UBP1: variants seen among roughly 807,000 people sequenced by gnomAD.
UBP1 encodes the protein upstream binding protein 1, also known as upstream-binding protein 1.
A neutral mutation model predicts 76.1 loss-of-function variants in UBP1; 22 were observed. The ratio of observed to expected loss-of-function variants is 0.29; its 90% CI spans 0.21 to 0.41. The LOEUF is 0.41. UBP1 is among the 10% of genes least tolerant of loss of function. The pLI is 1.00. For missense variants in UBP1, 436 were observed against 668.1 expected (o/e 0.65, Z 3.83); for synonymous variants, 224 against 237.1 (o/e 0.94, Z 0.51).
chr3:33,426,268 C>T (rs2045016462), intron 1 of UBP1, among the ~76,000 whole-genome samples: 1 of 151,758 alleles, frequency 6.6e-6, no homozygotes, highest in African/African-American at 2.4e-5. Context: ...AAGCTTCATG[C>T]CTAATCTAAA....
Position 33,402,905 on chromosome 3 carries a change from C to A in UBP1, c.928-1G>T. The A allele has an allele frequency of 6.2e-7, 1 of 1,604,740 alleles. No individual in the cohort carries two copies. Among genetic ancestry groups the A allele is most frequent in the Non-Finnish European group, 8.5e-7 (1 of 1,175,442 alleles). ...TGGGGGCATCGGGCCACGGAGAACA[C>A]TAAGGACAGAAACAGAAATAAATTA... On this transcript the variant is annotated splice_acceptor_variant, in intron 8 of 15. Transcript: ENST00000283629. LOFTEE classifies it high-confidence loss of function.
intron 9 of UBP1, among the ~76,000 whole-genome samples, chr3:33,401,636 A>G (rs1475815923): frequency 6.6e-6 from 1 of 152,146 alleles, no homozygotes; most frequent in East Asian, 1.9e-4. Flanking sequence ...CCGTGCCTCA[A>G]TTGCTTAGGT....
At chr3:33,439,040 A>T (rs929499940) in intron 1 of UBP1, among the ~76,000 whole-genome samples, 1 of 152,248 alleles carries the variant, frequency 6.6e-6, no homozygotes, top group African/African-American at 2.4e-5. Flanking sequence ...GCGGAGACTA[A>T]GCTCAGATCT....
intron 13 of UBP1, among the ~76,000 whole-genome samples, chr3:33,395,286 A>G (rs2043930041): frequency 6.6e-6 from 1 of 152,028 alleles, no homozygotes. Flanking sequence ...AGCTCTACCT[A>G]TTCTTAGGGC....
chr3:33,413,427 G>A (rs2044643509), intron 3 of UBP1, among the ~76,000 whole-genome samples: 1 of 151,284 alleles, frequency 6.6e-6, no homozygotes, highest in Non-Finnish European at 1.5e-5. Context: ...GGCGCCTGTA[G>A]TACCAGCTAC....
intron 14 of UBP1, 123 bp downstream of exon 14, chr3:33,393,189 C>T (rs1392682854): frequency 9.4e-7 from 1 of 1,061,464 alleles, no homozygotes; most frequent in African/African-American, 1.7e-5. Flanking sequence ...TGATTCCCAA[C>T]TCTCTGAAAA....
chr3:33,412,914 A>C, intron 3 of UBP1, 87 bp from the exon 4 acceptor site: 1 of 866,588 alleles, frequency 1.2e-6, no homozygotes, highest in Admixed American at 1.8e-5. Context: ...GTTAACCTGT[A>C]GCAGTAGAAC....
intron 2 of UBP1, among the ~76,000 whole-genome samples, chr3:33,418,529 G>A (rs2044790172): frequency 6.6e-6 from 1 of 151,774 alleles, no homozygotes; most frequent in Admixed American, 6.6e-5. Context: ...AAAATGCTGG[G>A]ATTACAGGCG....
chr3:33,431,058 T>C (rs2045104740), intron 1 of UBP1, among the ~76,000 whole-genome samples: 1 of 151,798 alleles, frequency 6.6e-6, no homozygotes, highest in Admixed American at 6.6e-5. Context: ...ACAGCAAAAC[T>C]GAAAAAGAGC....
chr3:33,408,242 C>T (rs1163592810), intron 8 of UBP1, among the ~76,000 whole-genome samples: 2 of 152,158 alleles, frequency 1.3e-5, no homozygotes, highest in Non-Finnish European at 2.9e-5. Flanking sequence ...TTGCTGCCAT[C>T]ATCTAACTGT....
intron 1 of UBP1, among the ~76,000 whole-genome samples, chr3:33,434,406 C>T (rs2045169363): frequency 1.4e-5 from 2 of 146,564 alleles, no homozygotes. Context: ...ACAGGCAATT[C>T]TCCTGCCTCA....
intron 2 of UBP1, 151 bp from the exon 3 acceptor site, chr3:33,416,985 T>C: frequency 6.3e-6 from 4 of 634,902 alleles, no homozygotes; most frequent in Non-Finnish European, 1.1e-5. Flanking sequence ...ATCCTTCTCT[T>C]CCCTGAAAAT....
upstream of UBP1, chr3:33,440,504 G>C (rs913605587): frequency 4.1e-5 from 6 of 145,202 alleles, no homozygotes; most frequent in Non-Finnish European, 7.5e-5. Flanking sequence ...CGCGCCTCGC[G>C]GCCCAGGAAC....
chr3:33,439,670 G>T, intron 1 of UBP1, 66 bp downstream of exon 1: 1 of 1,542,608 alleles, frequency 6.5e-7, no homozygotes, highest in South Asian at 1.1e-5. Flanking sequence ...ATCTGGCAGA[G>T]ACTCAGGGCT....
chr3:33,409,719 C>A, intron 5 of UBP1, 118 bp from the exon 6 acceptor site: 1 of 1,319,500 alleles, frequency 7.6e-7, no homozygotes, highest in East Asian at 2.3e-5. Flanking sequence ...AAAATAAACT[C>A]ATCACACATA....
At chr3:33,430,436 T>G (rs1264133462) in intron 1 of UBP1, among the ~76,000 whole-genome samples, 1 of 152,182 alleles carries the variant, frequency 6.6e-6, no homozygotes, top group Admixed American at 6.5e-5. Flanking sequence ...GTGAAAAGAC[T>G]TAGGCATCAA....
At chr3:33,392,498 T>C (rs2043808039) in intron 15 of UBP1, 65 bp downstream of exon 15, 1 of 1,382,936 alleles carries the variant, frequency 7.2e-7, no homozygotes, top group Non-Finnish European at 1.0e-6. Context: ...CGAGAGGCAC[T>C]AATTAGAGGC....
intron 8 of UBP1, among the ~76,000 whole-genome samples, chr3:33,403,925 T>A (rs932370454): frequency 6.6e-6 from 1 of 152,142 alleles, no homozygotes; most frequent in South Asian, 2.1e-4. Flanking sequence ...AAGAAAGGCA[T>A]CACATCTAAC....
At position 33,439,915 on chromosome 3, in the gene UBP1, G is replaced by C. The variant is rs2045264619; in HGVS notation, c.-67C>G. The C allele has an allele frequency of 1.3e-6, 2 of 1,570,040 alleles. No homozygotes were observed. The highest frequency in any genetic ancestry group is 8.7e-7 in the Non-Finnish European group (1 of 1,150,674). On this transcript the variant is annotated 5_prime_UTR_variant, in exon 1 of 16. Coordinates refer to ENST00000283629, the MANE Select transcript of UBP1 (RefSeq NM_014517.5). ...TCCAGGGCGAAGGAGCCGGAGCTCC[G>C]CTGGCGCGTCCTGGGGGAGGGCGCG...
Sources: allele counts gnomAD v4.1 joint callset (sites outside exome capture counted in the v4.1 genomes callset), GRCh38; gene constraint gnomAD v4.1.1; transcripts MANE v1.5; gene names NCBI Gene and HGNC (gene_info 2026-07-23, HGNC 2026-07-21).